The following OTUD7A variants were observed in gnomAD, a reference collection of about 807,000 sequenced individuals.
OTUD7A encodes OTU domain-containing protein 7A.
A neutral mutation model predicts 65.7 loss-of-function variants in OTUD7A; 12 were observed. The ratio of observed to expected loss-of-function variants is 0.18; its 90% CI spans 0.12 to 0.30. The LOEUF is 0.30. Among genes scored for constraint, OTUD7A ranks in the 10% least tolerant of loss-of-function variants. The pLI is 1.00. For missense variants in OTUD7A, 1,148 were observed against 1,304.8 expected, an observed-to-expected ratio of 0.88 and a Z score of 1.85; for synonymous variants, 641 against 586.3, an observed-to-expected ratio of 1.09 and a Z score of -1.35.
intron 3 of OTUD7A, among the ~76,000 whole-genome samples, chr15:31,636,315 A>G (rs1009038210): frequency 2.0e-5 from 3 of 152,188 alleles, no homozygotes; most frequent in African/African-American, 4.8e-5. Flanking sequence ...TGTTATAGTG[A>G]TCTGTGCTCA....
At chr15:31,581,603 G>A (rs11071196) in intron 3 of OTUD7A, among the ~76,000 whole-genome samples, 25,568 of 152,270 alleles carry the variant, frequency 0.17, 2,401 homozygotes, top group East Asian at 0.25. Flanking sequence ...ACACCATGTG[G>A]AAGCTGCCAA....
intron 3 of OTUD7A, among the ~76,000 whole-genome samples, chr15:31,608,881 C>T (rs888985802): frequency 2.0e-5 from 3 of 152,208 alleles, no homozygotes; most frequent in Non-Finnish European, 4.4e-5. Context: ...AAGCAGACTG[C>T]TCCTGCAGGA....
At chr15:31,507,469 T>G (rs958910363) in intron 8 of OTUD7A, among the ~76,000 whole-genome samples, 1 of 152,204 alleles carries the variant, frequency 6.6e-6, no homozygotes, top group Non-Finnish European at 1.5e-5. Flanking sequence ...TTCCTTCCAG[T>G]GGCTTTGTGG....
intron 1 of OTUD7A, among the ~76,000 whole-genome samples, chr15:31,659,073 AAAT>A (rs1425700644): frequency 8.9e-5 from 13 of 146,048 alleles, no homozygotes; most frequent in African/African-American, 3.0e-4. Flanking sequence ...ATAAATAAAT[AAAT>A]AAATAAAATA....
chr15:31,822,662 T>A (rs1338884574), intron 1 of OTUD7A, among the ~76,000 whole-genome samples: 1 of 152,206 alleles, frequency 6.6e-6, no homozygotes, highest in African/African-American at 2.4e-5. Flanking sequence ...AATAGCACAC[T>A]GCAAGTGTCA....
intron 1 of OTUD7A, among the ~76,000 whole-genome samples, chr15:31,661,716 C>G (rs1046729368): frequency 1.3e-5 from 2 of 152,160 alleles, no homozygotes; most frequent in Admixed American, 6.5e-5. Flanking sequence ...ATAATCCCAC[C>G]TAAAAATAAC....
chr15:31,865,379 G>A (rs1247525108), intron 1 of OTUD7A, among the ~76,000 whole-genome samples: 2 of 152,098 alleles, frequency 1.3e-5, no homozygotes, highest in Non-Finnish European at 2.9e-5. Flanking sequence ...AAGATAAAAG[G>A]GTATTGCATG....
At chr15:31,627,617 G>T (rs1351439008) in intron 3 of OTUD7A, among the ~76,000 whole-genome samples, 1 of 152,100 alleles carries the variant, frequency 6.6e-6, no homozygotes, top group Admixed American at 6.5e-5. Context: ...GTAATGGGAT[G>T]GCTGGGTCAA....
intron 5 of OTUD7A, among the ~76,000 whole-genome samples, chr15:31,555,465 C>G (rs1425838190): frequency 6.6e-6 from 1 of 152,132 alleles, no homozygotes; most frequent in African/African-American, 2.4e-5. Flanking sequence ...CCTTTGTACC[C>G]AGCAATACTG....
rs398026753 is a variant in OTUD7A at position 31,564,387 on chromosome 15, G to GTTTTTTT, written c.332-5207_332-5201dup. ...TTTTTGGAAGTAGTCTTTGAGGAAGGTTTTTTTTTTTTTAGCAAAAGAGAA... is the reference window on the plus strand; with the variant it reads ...TTTTTGGAAGTAGTCTTTGAGGAAGGTTTTTTTTTTTTTTTTTTTTAGCAAAAGAGAA... On this transcript the variant is annotated intron_variant, in intron 4 of 12. Transcript: ENST00000307050. Among the ~76,000 whole-genome samples, 80 of 119,922 alleles carry GTTTTTTT rather than the reference G, an allele frequency of 6.7e-4. 4 individuals are homozygous for GTTTTTTT. In the East Asian group the frequency reaches 0.017, roughly 25 times the overall value. 78.7% of individuals were successfully genotyped at this position (119,922 alleles called of 152,430 possible). A position where few individuals can be genotyped will look rare whatever the true frequency, so the allele number is the denominator to read the frequency against.
intron 3 of OTUD7A, among the ~76,000 whole-genome samples, chr15:31,618,820 T>C (rs1890679088): frequency 6.6e-6 from 1 of 152,244 alleles, no homozygotes; most frequent in Admixed American, 6.5e-5. Context: ...TTGCCATTGC[T>C]TTTGGTGTTT....
intron 5 of OTUD7A, among the ~76,000 whole-genome samples, chr15:31,551,904 C>A (rs959787673): frequency 1.3e-5 from 2 of 152,144 alleles, no homozygotes; most frequent in Non-Finnish European, 2.9e-5. Flanking sequence ...TCTTGGTTGT[C>A]CCCAATAATC....
chr15:31,636,630 T>C (rs576247305), intron 3 of OTUD7A, among the ~76,000 whole-genome samples: 2 of 152,276 alleles, frequency 1.3e-5, no homozygotes, highest in African/African-American at 4.8e-5. Context: ...TTTTAAAAGC[T>C]AAGATGGGCC....
In OTUD7A at chr15:31,484,406, C is replaced by A. The variant is rs1317059312; in HGVS notation, c.1690G>T (p.Ala564Ser). 1.9e-6 allele frequency: 3 copies of A among 1,601,558 alleles called. No individual in the cohort carries two copies. Among genetic ancestry groups the A allele is most frequent in the Non-Finnish European group, 2.5e-6 (3 of 1,179,822 alleles). ...GCCTTCTTCTCCTTGCCCCGCTCGG[C>A]CGAGTCCCCGTTCTTGCCATTGGCG... ...NSANGKNGDS[A>S]ERGKEKKAKS... Residue 564 changes from alanine (A) to serine (S), a missense_variant, in exon 13 of 13, where the codon GCC becomes TCC. Ala to Ser is a moderately conservative substitution (Grantham distance 99, BLOSUM62 1). Transcript: ENST00000307050. The surrounding 1 kb of genome is among the most constrained non-coding windows in gnomAD (Gnocchi z 4.5).
chr15:31,764,636 A>T (rs1895053109), intron 1 of OTUD7A, among the ~76,000 whole-genome samples: 1 of 152,154 alleles, frequency 6.6e-6, no homozygotes, highest in East Asian at 1.9e-4. Context: ...TGACACTTAT[A>T]AAAATGTTTA....
At chr15:31,492,182 A>G (rs922530287) in intron 10 of OTUD7A, among the ~76,000 whole-genome samples, 1 of 152,262 alleles carries the variant, frequency 6.6e-6, no homozygotes, top group African/African-American at 2.4e-5. Flanking sequence ...TGTAAAAATA[A>G]AATGTCTGAT....
At chr15:31,751,624 T>C (rs923709891) in intron 1 of OTUD7A, among the ~76,000 whole-genome samples, 4 of 152,196 alleles carry the variant, frequency 2.6e-5, no homozygotes, top group Non-Finnish European at 4.4e-5. Context: ...GTATATTCAT[T>C]GTAGCACTAT....
intron 1 of OTUD7A, among the ~76,000 whole-genome samples, chr15:31,682,544 A>G (rs781163378): frequency 6.6e-6 from 1 of 152,268 alleles, no homozygotes; most frequent in African/African-American, 2.4e-5. Context: ...AGACACGTTT[A>G]CTACTAAAAC....
At chr15:31,490,279 C>T (rs576691061) in intron 10 of OTUD7A, among the ~76,000 whole-genome samples, 8 of 152,286 alleles carry the variant, frequency 5.3e-5, no homozygotes, top group South Asian at 2.1e-4. Flanking sequence ...CTAAAAAGGC[C>T]GGAAAGGTGT....
Sources: allele counts gnomAD v4.1 joint callset (sites outside exome capture counted in the v4.1 genomes callset), GRCh38; gene constraint gnomAD v4.1.1; non-coding constraint Gnocchi (gnomAD v3.1); transcripts MANE v1.5; gene names NCBI Gene and HGNC (gene_info 2026-07-23, HGNC 2026-07-21).